CYP3A4: variants seen among roughly 807,000 people sequenced by gnomAD.
CYP3A4 encodes the protein cytochrome P450 family 3 subfamily A member 4.
CYP3A4 carries 41 observed loss-of-function variants against 54.9 expected under a neutral mutation model. That is an observed-to-expected ratio of 0.75 (90% CI 0.58 to 0.97). CYP3A4 has a LOEUF of 0.97. Ranked by LOEUF, CYP3A4 falls within the 50% of genes least tolerant of loss-of-function variation. The probability of loss-of-function intolerance (pLI) is 0.00; values close to 1 mark genes in which losing one functional copy is unlikely to be tolerated. For missense variants in CYP3A4, 510 were observed against 597.3 expected, an observed-to-expected ratio of 0.85 and a Z score of 1.52; for synonymous variants, 179 against 205.2, an observed-to-expected ratio of 0.87 and a Z score of 1.09.
intron 10 of CYP3A4, among the ~76,000 whole-genome samples, chr7:99,763,051 A>G (rs551940321): frequency 1.3e-5 from 2 of 152,328 alleles, no homozygotes; most frequent in African/African-American, 4.8e-5. Context: ...CAGGAGCCAG[A>G]TATCCTGGTT....
chr7:99,769,753 T>C lies in CYP3A4; in HGVS notation c.521+15A>G. 1 of 1,613,792 alleles carries C rather than the reference T, an allele frequency of 6.2e-7. No homozygotes were observed. The highest frequency in any genetic ancestry group is 8.5e-7 in the Non-Finnish European group (1 of 1,179,778). ...TCATGACAGCTCAGAACCCCATGGC[T>C]GCGCTTCTACTTACTCTTTCAAGGT... is the stretch of plus-strand genomic sequence containing the variant. On this transcript the variant is annotated intron_variant, in intron 6 of 12. Transcript: ENST00000651514.
At chr7:99,762,302 A>G (rs750032222) in intron 10 of CYP3A4, 35 bp from the exon 11 acceptor site, 5 of 1,607,144 alleles carry the variant, frequency 3.1e-6, no homozygotes. Flanking sequence ...ATAAATTGAG[A>G]TTTTGAATTA....
At chr7:99,765,449 TGATAGATGATAGATG>T (rs1368994585) in intron 9 of CYP3A4, among the ~76,000 whole-genome samples, 7 of 152,006 alleles carry the variant, frequency 4.6e-5, no homozygotes, top group Admixed American at 3.9e-4. Flanking sequence ...GATGGATAAA[TGATAGATGATAGATG>T]GATAGATGAT....
At chr7:99,764,323 T>C (rs1815423073) in intron 9 of CYP3A4, among the ~76,000 whole-genome samples, 2 of 152,134 alleles carry the variant, frequency 1.3e-5, no homozygotes, top group Non-Finnish European at 2.9e-5. Context: ...ACATACTCAG[T>C]GTTATGGGTG....
rs139109027 is a variant in CYP3A4 at position 99,760,958 on chromosome 7, T to C, written c.1277A>G (p.Asn426Ser). 637 of 1,613,428 alleles carry C rather than the reference T, an allele frequency of 3.9e-4. No homozygotes were observed. The highest frequency in any genetic ancestry group is 5.1e-4 in the Non-Finnish European group (603 of 1,179,814). ...PERFSKKNKD[N>S]IDPYIYTPFG... Reference sequence around the variant, plus strand: ...GGGTGTGTATATGTAAGGATCTATGTTGTCCTTGTTCTTCTTGCTGAATCT... The same window carrying C: ...GGGTGTGTATATGTAAGGATCTATGCTGTCCTTGTTCTTCTTGCTGAATCT... Residue 426 changes from asparagine (N) to serine (S), a missense_variant, in exon 12 of 13, where the codon AAC becomes AGC. This residue lies in a region of CYP3A4 where 238 missense variants were observed against 322.5 expected (regional missense o/e 0.74). Coordinates refer to ENST00000651514, the MANE Select transcript of CYP3A4 (RefSeq NM_017460.6).
intron 3 of CYP3A4, among the ~76,000 whole-genome samples, chr7:99,777,383 C>T (rs1237453156): frequency 6.6e-6 from 1 of 152,064 alleles, no homozygotes; most frequent in Non-Finnish European, 1.5e-5. Flanking sequence ...GAACTTGACA[C>T]CTGGTGACAC....
rs569236285 is a variant in CYP3A4, at chr7:99,779,829, G to C, written c.165+163C>G. ...CTGAGGTTCCTGAGAGTTAGCAAGA[G>C]AGCCCTTGGGTAAACATTGCCATGT... is the stretch of plus-strand genomic sequence containing the variant. On this transcript the variant is annotated intron_variant, in intron 2 of 12. Coordinates refer to ENST00000651514, the MANE Select transcript of CYP3A4 (RefSeq NM_017460.6). Among the ~76,000 whole-genome samples, 10 of 152,270 alleles carry C rather than the reference G, an allele frequency of 6.6e-5. No individual in the cohort carries two copies. In the East Asian group the frequency reaches 1.7e-3, roughly 26 times the overall value.
At chr7:99,760,755 A>G in intron 12 of CYP3A4, 64 bp downstream of exon 12, 1 of 1,568,942 alleles carries the variant, frequency 6.4e-7, no homozygotes, top group Non-Finnish European at 8.7e-7. Flanking sequence ...CTTTTTAAAA[A>G]ATACAGACCA....
At chr7:99,766,936 C>G in intron 8 of CYP3A4, 195 bp downstream of exon 8, 2 of 487,522 alleles carry the variant, frequency 4.1e-6, no homozygotes, top group Non-Finnish European at 7.2e-6. Flanking sequence ...CTGTCTCTGA[C>G]TCATTCTCAT....
At chr7:99,761,254 T>C (rs532734310) in intron 11 of CYP3A4, among the ~76,000 whole-genome samples, 2 of 152,308 alleles carry the variant, frequency 1.3e-5, no homozygotes, top group South Asian at 2.1e-4. Context: ...ACTGAAATTA[T>C]ATTCAGGGTG....
At position 99,763,854 on chromosome 7, in the gene CYP3A4, C is replaced by T. The variant is rs777436556; in HGVS notation, c.1026+1G>A. ...TCCTTCTCCATGTACCATCCACTCA[C>T]CTTATTGGGTAAAACTGCATCAATT... On this transcript the variant is annotated splice_donor_variant, in intron 10 of 12. Coordinates refer to ENST00000651514, the MANE Select transcript of CYP3A4 (RefSeq NM_017460.6). LOFTEE classifies it high-confidence loss of function. The T allele has an allele frequency of 1.0e-4, 168 of 1,613,968 alleles. 1 individual carries two copies. In the South Asian group the frequency reaches 1.8e-3, roughly 17 times the overall value.
chr7:99,762,278 C>T lies in CYP3A4; in HGVS notation c.1027-11G>A, dbSNP rs370486502. Reference sequence around the variant, plus strand: ...ATAGGTGGGTGGTGCCTGGAAAGAACGAAACAGATTTGGATAAATTGAGAT... The same window carrying T: ...ATAGGTGGGTGGTGCCTGGAAAGAATGAAACAGATTTGGATAAATTGAGAT... On this transcript the variant is annotated splice_polypyrimidine_tract_variant and intron_variant, in intron 10 of 12. Transcript: ENST00000651514. 45 of 1,613,596 alleles carry T rather than the reference C, an allele frequency of 2.8e-5. No homozygotes were observed. Among genetic ancestry groups the T allele is most frequent in the African/African-American group, 1.7e-4 (13 of 75,002 alleles).
chr7:99,760,078 G>T (rs373482461), intron 12 of CYP3A4, among the ~76,000 whole-genome samples: 1 of 152,010 alleles, frequency 6.6e-6, no homozygotes, highest in Non-Finnish European at 1.5e-5. Flanking sequence ...CTCATGATCC[G>T]CCTGCTTCGG....
At chr7:99,763,770 A>T in intron 10 of CYP3A4, 85 bp downstream of exon 10, 3 of 1,505,332 alleles carry the variant, frequency 2.0e-6, no homozygotes, top group African/African-American at 1.4e-5. Flanking sequence ...TATGCTTTTT[A>T]TAAAAATTCT....
Position 99,757,341 on chromosome 7 carries a change from G to C in CYP3A4, c.*792C>G, listed in dbSNP as rs1057448778. 1 of 143,838 alleles carries C rather than the reference G, an allele frequency of 7.0e-6. No individual in the cohort carries two copies. The highest frequency in any genetic ancestry group is 2.9e-5 in the African/African-American group (1 of 34,702). 8.9% of individuals were successfully genotyped at this position (143,838 alleles called of 1,614,324 possible). On this transcript the variant is annotated 3_prime_UTR_variant, in exon 13 of 13. Transcript: ENST00000651514. ...AGTCCACCATGCCTAGCTAATTTGTGTATTTTTAGTAGAGATGGGGTTTCA... is the reference window on the plus strand; with the variant it reads ...AGTCCACCATGCCTAGCTAATTTGTCTATTTTTAGTAGAGATGGGGTTTCA...
intron 2 of CYP3A4, among the ~76,000 whole-genome samples, chr7:99,778,707 C>T (rs569487887): frequency 2.0e-5 from 3 of 152,174 alleles, no homozygotes; most frequent in South Asian, 2.1e-4. Flanking sequence ...CTCTACACAT[C>T]GGACACAGCA....
In CYP3A4 at chr7:99,762,739, T is replaced by A. The variant is rs980438049; in HGVS notation, c.1027-472A>T. 2.0e-5 allele frequency among the ~76,000 whole-genome samples: 3 copies of A among 152,172 alleles called. No homozygotes were observed. The South Asian group carries it at 6.2e-4, about 32-fold the overall frequency. ...TGACAAAGAAGGTTCTGGTTGGATGTAACCAGAGAACACGATTTCAGTGCT... is the reference window on the plus strand; with the variant it reads ...TGACAAAGAAGGTTCTGGTTGGATGAAACCAGAGAACACGATTTCAGTGCT... On this transcript the variant is annotated intron_variant, in intron 10 of 12. Transcript: ENST00000651514.
intron 1 of CYP3A4, among the ~76,000 whole-genome samples, chr7:99,783,410 T>C (rs1815975616): frequency 6.6e-6 from 1 of 152,114 alleles, no homozygotes; most frequent in African/African-American, 2.4e-5. Context: ...CCGTCACTAC[T>C]TTCCTTCCTT....
At chr7:99,780,525 G>A (rs1423608750) in intron 1 of CYP3A4, among the ~76,000 whole-genome samples, 2 of 152,156 alleles carry the variant, frequency 1.3e-5, no homozygotes, top group African/African-American at 2.4e-5. Flanking sequence ...TTGCATCACT[G>A]CAGCCACTCA....
Sources: gnomAD v4.1 joint callset for allele counts (sites outside exome capture counted in the v4.1 genomes callset) on GRCh38, gnomAD v4.1.1 for gene constraint, gnomAD v4.1.1 regional missense constraint, MANE v1.5 for transcripts, NCBI Gene and HGNC (gene_info 2026-07-23, HGNC 2026-07-21) for gene names.